Variants in IPO7 observed in about 807,000 individuals in gnomAD.
The protein encoded by IPO7 is importin-7.
A neutral mutation model predicts 136.4 loss-of-function variants in IPO7; 13 were observed. The observed-to-expected ratio is 0.10, with a 90% CI of 0.06 to 0.15. The LOEUF (loss-of-function observed/expected upper bound fraction) is 0.15, where lower values mean the gene tolerates loss of function less well. IPO7 is among the 10% of genes least tolerant of loss of function. The pLI, the probability that IPO7 is intolerant of heterozygous loss-of-function variation, is 1.00. For synonymous variants in IPO7, 403 were observed against 404.4 expected (o/e 1.00, Z 0.04); for missense variants, 857 against 1,240.6 (o/e 0.69, Z 4.65).
chr11:9,431,899 C>T (rs1002427270), intron 16 of IPO7, among the ~76,000 whole-genome samples: 19 of 152,096 alleles, frequency 1.2e-4, no homozygotes, highest in African/African-American at 3.6e-4. Flanking sequence ...CACTTGAACC[C>T]GAGAGGCAGA....
chr11:9,393,871 CTAATTTTTTTCTTT>C (rs1238262813), intron 1 of IPO7, among the ~76,000 whole-genome samples: 1 of 152,060 alleles, frequency 6.6e-6, no homozygotes, highest in Non-Finnish European at 1.5e-5. Flanking sequence ...AAAGTAATTT[CTAATTTTTTTCTTT>C]TAATTTTTTT....
intron 16 of IPO7, among the ~76,000 whole-genome samples, chr11:9,432,208 T>TC (rs1371885640): frequency 6.6e-6 from 1 of 151,696 alleles, no homozygotes; most frequent in African/African-American, 2.4e-5. Context: ...AAACTTTTTT[T>TC]TTTTTTTTTT....
At position 9,438,244 on chromosome 11, in the gene IPO7, A is replaced by G; in HGVS notation, c.2654A>G (p.Asp885Gly). Reference sequence around the variant, plus strand: ...GCCTGCCATGCAGAACATGAGAATGACAGTGATGATGATGATGAAGCTGAA... The same window carrying G: ...GCCTGCCATGCAGAACATGAGAATGGCAGTGATGATGATGATGAAGCTGAA... ...AYACHAEHEN[D>G]SDDDDEAEDD... The change falls in exon 22 of 25, where the codon GAC (aspartate) becomes GGC (glycine). Residue 885 changes from aspartate (D) to glycine (G), a missense_variant. By Grantham distance (94) the Asp-to-Gly change is moderately conservative. This residue lies in a region of IPO7 where 119 missense variants were observed against 155.5 expected (regional missense o/e 0.77). Transcript: ENST00000379719. The G allele has an allele frequency of 6.2e-7, 1 of 1,604,624 alleles. No individual in the cohort carries two copies. The highest frequency in any genetic ancestry group is 8.5e-7 in the Non-Finnish European group (1 of 1,172,278).
At chr11:9,401,740 CTA>C (rs1181165153) in intron 1 of IPO7, among the ~76,000 whole-genome samples, 10 of 151,972 alleles carry the variant, frequency 6.6e-5, no homozygotes, top group Admixed American at 3.9e-4. Context: ...ATTATATAGT[CTA>C]TTGTTTTATT....
Position 9,409,921 on chromosome 11 carries a change from C to A in IPO7, c.321-7C>A. ...TTTTTTCCTTACTGTTTTTTTTTGG[C>A]TTCCAGGGTACAGCTTACTACATGC... On this transcript the variant is annotated splice_region_variant and splice_polypyrimidine_tract_variant and intron_variant, in intron 3 of 24. Transcript: ENST00000379719. 1.3e-6 allele frequency: 2 copies of A among 1,487,066 alleles called. No individual in the cohort carries two copies. Among genetic ancestry groups the A allele is most frequent in the Admixed American group, 2.5e-5 (1 of 40,378 alleles). The allele number at this position is 1,487,066 out of a possible 1,614,324, so 92.1% of individuals were successfully genotyped here. A position where few individuals can be genotyped will look rare whatever the true frequency, so the allele number is the denominator to read the frequency against.
intron 20 of IPO7, among the ~76,000 whole-genome samples, chr11:9,437,374 C>A (rs956813342): frequency 6.6e-6 from 1 of 152,086 alleles, no homozygotes; most frequent in African/African-American, 2.4e-5. Flanking sequence ...CCTTCCTCAG[C>A]CTCCCAAGTA....
chr11:9,426,782 G>C (rs1855215244), intron 12 of IPO7, among the ~76,000 whole-genome samples: 1 of 152,010 alleles, frequency 6.6e-6, no homozygotes, highest in Non-Finnish European at 1.5e-5. Flanking sequence ...TTTTGAGATG[G>C]AGTCTTGCTC....
chr11:9,397,718 A>G (rs540759310), intron 1 of IPO7, among the ~76,000 whole-genome samples: 19 of 152,206 alleles, frequency 1.2e-4, no homozygotes, highest in African/African-American at 4.1e-4. Flanking sequence ...TAACTTGGCT[A>G]TACATCGTTT....
chr11:9,421,756 A>T (rs998360484), intron 8 of IPO7, among the ~76,000 whole-genome samples: 3 of 149,768 alleles, frequency 2.0e-5, no homozygotes, highest in Non-Finnish European at 4.4e-5. Context: ...CATCCTGGCT[A>T]ACACAGTGAA....
At chr11:9,409,031 G>A (rs1319912096) in intron 3 of IPO7, among the ~76,000 whole-genome samples, 3 of 151,672 alleles carry the variant, frequency 2.0e-5, no homozygotes, top group Non-Finnish European at 1.5e-5. Context: ...GGCTTTTGGG[G>A]GCTTTTCAGA....
At position 9,424,100 on chromosome 11, in the gene IPO7, A is replaced by C. The variant is rs532277614; in HGVS notation, c.1141+224A>C. On this transcript the variant is annotated intron_variant, in intron 10 of 24. Coordinates refer to ENST00000379719, the MANE Select transcript of IPO7 (RefSeq NM_006391.3). ...AATACTGTTAAGTTTTTATTACTGA[A>C]TACCAAAACTGTTAGATATTCAAGA... is the stretch of plus-strand genomic sequence containing the variant. Among the ~76,000 whole-genome samples, 13 of 152,284 alleles carry C rather than the reference A, an allele frequency of 8.5e-5. No homozygotes were observed. In the South Asian group the frequency reaches 2.7e-3, roughly 32 times the overall value.
intron 5 of IPO7, among the ~76,000 whole-genome samples, chr11:9,415,100 C>A (rs1347877100): frequency 6.6e-6 from 1 of 151,298 alleles, no homozygotes. Flanking sequence ...GGCGCATCAC[C>A]TGAGGAGGGG....
chr11:9,404,204 G>A (rs1590431727), intron 2 of IPO7, among the ~76,000 whole-genome samples: 1 of 152,280 alleles, frequency 6.6e-6, no homozygotes, highest in South Asian at 2.1e-4. Flanking sequence ...AGTGGCTCAC[G>A]CCTGTAATCC....
intron 16 of IPO7, among the ~76,000 whole-genome samples, chr11:9,432,142 A>G (rs1855303142): frequency 6.6e-6 from 1 of 151,268 alleles, no homozygotes; most frequent in African/African-American, 2.4e-5. Flanking sequence ...TGTATCTCTT[A>G]TCCGTAAATT....
At chr11:9,402,565 T>C (rs1228347467) in intron 1 of IPO7, among the ~76,000 whole-genome samples, 1 of 145,678 alleles carries the variant, frequency 6.9e-6, no homozygotes, top group South Asian at 2.2e-4. Flanking sequence ...CTAGTAAAAA[T>C]ATAAAAAATT....
Position 9,425,048 on chromosome 11 carries a change from T to C in IPO7, c.1218+58T>C, listed in dbSNP as rs999960763. 138 of 1,337,164 alleles carry C rather than the reference T, an allele frequency of 1.0e-4. 6 individuals are homozygous for C. The South Asian group carries it at 1.5e-3, about 15-fold the overall frequency. 82.8% of individuals were successfully genotyped at this position (1,337,164 alleles called of 1,614,324 possible). ...GTATTATTTAAAATTTATTCAACTA[T>C]ACACTTTTTAAATGTTAGTCATGTG... On this transcript the variant is annotated intron_variant, in intron 11 of 24. Coordinates refer to ENST00000379719, the MANE Select transcript of IPO7 (RefSeq NM_006391.3).
In IPO7 at chr11:9,420,819, C is replaced by T. The variant is rs1443370952; in HGVS notation, c.906+121C>T. The T allele has an allele frequency of 7.6e-6, 5 of 658,122 alleles. No individual in the cohort carries two copies. The East Asian group carries it at 8.0e-5, about 11-fold the overall frequency. 40.8% of individuals were successfully genotyped at this position (658,122 alleles called of 1,614,324 possible). On this transcript the variant is annotated intron_variant, in intron 8 of 24. Transcript: ENST00000379719. ...CCTGTTTGGACCCTGTACCAGGTCT[C>T]AAACATTTTTGGTCTCAGGATCTCT...
chr11:9,415,663 C>G (rs1048721748), intron 5 of IPO7, among the ~76,000 whole-genome samples: 5 of 151,860 alleles, frequency 3.3e-5, no homozygotes, highest in Non-Finnish European at 5.9e-5. Context: ...ATGGTGAAAC[C>G]CTGTCTCTAC....
At position 9,440,517 on chromosome 11, in the gene IPO7, G is replaced by A. The variant is rs1855447500; in HGVS notation, c.2758G>A (p.Ala920Thr). The A allele has an allele frequency of 6.2e-7, 1 of 1,613,940 alleles. No homozygotes were observed. The highest frequency in any genetic ancestry group is 1.1e-5 in the South Asian group (1 of 91,088). Residue 920 changes from alanine (A) to threonine (T), a missense_variant, in exon 23 of 25, where the codon GCT becomes ACT. Transcript: ENST00000379719. ...EDGQEYLEIL[A>T]KQAGEDGDDE... The stretch of plus-strand genomic sequence containing the variant: ...TGGGCAAGAATATTTGGAGATTCTG[G>A]CTAAGCAGGCTGGTGAAGATGGAGA...
Sources: gnomAD v4.1 joint callset for allele counts (sites outside exome capture counted in the v4.1 genomes callset) on GRCh38, gnomAD v4.1.1 for gene constraint, gnomAD v4.1.1 regional missense constraint, MANE v1.5 for transcripts, NCBI Gene and HGNC (gene_info 2026-07-23, HGNC 2026-07-21) for gene names.